The following CACNA1E variants were observed in gnomAD, a reference collection of about 807,000 sequenced individuals.
The protein encoded by CACNA1E is voltage-dependent R-type calcium channel subunit alpha-1E.
Under a neutral mutation model 259.2 loss-of-function variants are expected in CACNA1E, and 40 were observed. That is an observed-to-expected ratio of 0.15 (90% confidence interval 0.12 to 0.20). The LOEUF is 0.20. CACNA1E is among the 10% of genes least tolerant of loss of function. The pLI, the probability that CACNA1E is intolerant of heterozygous loss-of-function variation, is 1.00. For missense variants in CACNA1E, 1,874 were observed against 3,040.1 expected (o/e 0.62, Z 9.02); for synonymous variants, 1,104 against 1,138.5 (o/e 0.97, Z 0.61).
chr1:181,736,534 ATCT>A, intron 22 of CACNA1E, 100 bp downstream of exon 22: 1 of 1,122,586 alleles, frequency 8.9e-7, no homozygotes. Flanking sequence ...GGGCCCAGCC[ATCT>A]TCTTAAGCCT....
intron 1 of CACNA1E, among the ~76,000 whole-genome samples, chr1:181,504,007 C>G (rs751399373): frequency 2.6e-5 from 4 of 152,210 alleles, no homozygotes; most frequent in Non-Finnish European, 4.4e-5. Context: ...GAATCACAGA[C>G]TAGTTAAGGC....
chr1:181,699,372 T>A (rs1309767954), intron 7 of CACNA1E, among the ~76,000 whole-genome samples: 2 of 152,144 alleles, frequency 1.3e-5, no homozygotes, highest in East Asian at 3.9e-4. Context: ...ATAAACAGGT[T>A]AATGTGGTAG....
intron 38 of CACNA1E, among the ~76,000 whole-genome samples, chr1:181,778,083 G>A (rs927885305): frequency 2.0e-5 from 3 of 152,220 alleles, no homozygotes; most frequent in Admixed American, 6.5e-5. Flanking sequence ...CTGGGAAAGA[G>A]CATAAAGACA....
intron 7 of CACNA1E, among the ~76,000 whole-genome samples, chr1:181,685,842 G>A (rs1399524750): frequency 1.3e-5 from 2 of 152,096 alleles, no homozygotes; most frequent in Non-Finnish European, 2.9e-5. Flanking sequence ...TGTTTCCTAT[G>A]TTGTATATAA....
chr1:181,651,307 A>T (rs745607997), intron 6 of CACNA1E, 31 bp from the exon 7 acceptor site: 5 of 1,403,136 alleles, frequency 3.6e-6, no homozygotes, highest in Non-Finnish European at 5.0e-6. Context: ...GATGGCTTTA[A>T]GTATTAAGGA....
intron 1 of CACNA1E, among the ~76,000 whole-genome samples, chr1:181,338,555 A>G (rs1651899034): frequency 7.0e-6 from 1 of 143,482 alleles, no homozygotes; most frequent in Non-Finnish European, 1.5e-5. Context: ...TACTTTAAAT[A>G]TTAACTCTTT....
chr1:181,559,464 A>C (rs1390629841), intron 3 of CACNA1E, among the ~76,000 whole-genome samples: 1 of 152,174 alleles, frequency 6.6e-6, no homozygotes, highest in Non-Finnish European at 1.5e-5. Flanking sequence ...TGAAAATAAA[A>C]GTGGGGAAAG....
At chr1:181,785,470 AG>A in intron 42 of CACNA1E, 52 bp downstream of exon 42, 2 of 1,266,812 alleles carry the variant, frequency 1.6e-6, no homozygotes, top group Non-Finnish European at 2.3e-6. Flanking sequence ...GAGTTGCAGG[AG>A]GGAATAGGCC....
chr1:181,697,600 C>T (rs1346798997), intron 7 of CACNA1E, among the ~76,000 whole-genome samples: 2 of 152,184 alleles, frequency 1.3e-5, no homozygotes, highest in East Asian at 3.8e-4. Flanking sequence ...TACCAGTCTA[C>T]TGTGTGTTTA....
At chr1:181,651,608 A>G (rs1658764174) in intron 7 of CACNA1E, 167 bp downstream of exon 7, 3 of 563,490 alleles carry the variant, frequency 5.3e-6, no homozygotes, top group Non-Finnish European at 6.3e-6. Context: ...GCAGTAGTGA[A>G]CCATCATTCT....
At chr1:181,756,765 T>G (rs1658123242) in intron 29 of CACNA1E, among the ~76,000 whole-genome samples, 160 bp from the exon 30 acceptor site, 1 of 152,160 alleles carries the variant, frequency 6.6e-6, no homozygotes, top group Non-Finnish European at 1.5e-5. Context: ...AGTGGATTGT[T>G]GATAGCAGGA....
chr1:181,369,989 C>G (rs1201645824), intron 1 of CACNA1E, among the ~76,000 whole-genome samples: 5 of 151,438 alleles, frequency 3.3e-5, no homozygotes, highest in African/African-American at 9.7e-5. Flanking sequence ...GGTGTCTGCT[C>G]TTCCCTTCTT....
intron 25 of CACNA1E, among the ~76,000 whole-genome samples, chr1:181,746,137 A>G (rs1051136214): frequency 2.6e-5 from 4 of 152,244 alleles, no homozygotes; most frequent in African/African-American, 9.6e-5. Flanking sequence ...ATGGACCACG[A>G]GGAAAAATAA....
intron 6 of CACNA1E, among the ~76,000 whole-genome samples, chr1:181,623,021 C>A (rs1053843463): frequency 6.6e-6 from 1 of 152,168 alleles, no homozygotes. Context: ...GAAAAACAAT[C>A]ATTTTTTCTC....
intron 1 of CACNA1E, among the ~76,000 whole-genome samples, chr1:181,383,197 A>G (rs1043536069): frequency 6.6e-6 from 1 of 152,110 alleles, no homozygotes; most frequent in African/African-American, 2.4e-5. Context: ...CAATTGTTAT[A>G]CTTACTTCCA....
At chr1:181,471,816 G>A (rs1342090194) in intron 2 of CACNA1E, among the ~76,000 whole-genome samples, 1 of 152,038 alleles carries the variant, frequency 6.6e-6, no homozygotes, top group Admixed American at 6.6e-5. Context: ...CACCCACAGT[G>A]GTGTGACACT....
chr1:181,484,387 C>T (rs930839384), intron 1 of CACNA1E, among the ~76,000 whole-genome samples: 10 of 152,114 alleles, frequency 6.6e-5, no homozygotes, highest in Admixed American at 2.6e-4. Context: ...TCTCATTTTC[C>T]TTTCTTTAAG....
chr1:181,407,488 A>G (rs1657549961), intron 1 of CACNA1E, among the ~76,000 whole-genome samples: 1 of 152,114 alleles, frequency 6.6e-6, no homozygotes, highest in South Asian at 2.1e-4. Context: ...TCTATTAACA[A>G]TGTAGGTTCC....
intron 35 of CACNA1E, among the ~76,000 whole-genome samples, chr1:181,769,411 A>C (rs1572849773): frequency 6.7e-6 from 1 of 148,624 alleles, no homozygotes; most frequent in Admixed American, 6.7e-5. Flanking sequence ...TGTGTTTTTG[A>C]CTTAAATTAT....
Sources: allele counts gnomAD v4.1 joint callset (sites outside exome capture counted in the v4.1 genomes callset), GRCh38; gene constraint gnomAD v4.1.1; transcripts MANE v1.5; gene names NCBI Gene and HGNC (gene_info 2026-07-23, HGNC 2026-07-21).